C3orf52: variants seen among roughly 807,000 people sequenced by gnomAD.
C3orf52 encodes the protein chromosome 3 open reading frame 52.
In C3orf52, 22 loss-of-function variants were observed where a neutral mutation model predicts 24.8. That is an observed-to-expected ratio of 0.89 (90% CI 0.63 to 1.27). The LOEUF is 1.27. C3orf52 is among the 50% of genes most tolerant of loss of function. C3orf52 has a pLI of 0.00. For missense variants in C3orf52, 265 were observed against 260.7 expected (o/e 1.02, Z -0.11); for synonymous variants, 93 against 100.2 (o/e 0.93, Z 0.43).
At chr3:112,128,247 T>G (rs2074374920) in exon 5 of C3orf52, 2 of 701,936 alleles carry the variant, frequency 2.8e-6, no homozygotes, top group Admixed American at 2.0e-5. Flanking sequence ...AAGATGATAC[T>G]ATCAAATTCC....
chr3:112,127,159 G>C (rs2074343379), intron 4 of C3orf52: 2 of 582,688 alleles, frequency 3.4e-6, no homozygotes, highest in East Asian at 6.1e-5. Context: ...ACCTCCTTCA[G>C]CATAGATGAG....
intron 2 of C3orf52, among the ~76,000 whole-genome samples, chr3:112,101,156 G>T (rs2073969103): frequency 6.6e-6 from 1 of 152,276 alleles, no homozygotes; most frequent in African/African-American, 2.4e-5. Flanking sequence ...ATTACTCCTA[G>T]ATTCAACAAT....
At position 112,086,616 on chromosome 3, in the gene C3orf52, G is replaced by C. The variant is rs1468042775; in HGVS notation, c.138+71G>C. 8.7e-6 allele frequency: 13 copies of C among 1,494,748 alleles called. No homozygotes were observed. In the Admixed American group the frequency reaches 2.8e-4, roughly 33 times the overall value. The allele number at this position is 1,494,748 out of a possible 1,614,324, so 92.6% of individuals were successfully genotyped here. On this transcript the variant is annotated intron_variant, in intron 1 of 5. Coordinates refer to ENST00000264848, the MANE Select transcript of C3orf52 (RefSeq NM_024616.3). ...GTAGTAGGACCCGGGCCTGGCACCC[G>C]CGAGTTTCGGGTTTCCAGTCAGGCG...
chr3:112,114,652 C>A (rs1234446250), intron 5 of C3orf52, among the ~76,000 whole-genome samples: 1 of 151,862 alleles, frequency 6.6e-6, no homozygotes. Flanking sequence ...TGCGGTGAGC[C>A]GAGATCGCAT....
At chr3:112,111,748 C>G (rs2074085071) in intron 4 of C3orf52, 1 of 152,218 alleles carries the variant, frequency 6.6e-6, no homozygotes, top group Non-Finnish European at 1.5e-5. Flanking sequence ...GAGGGCAGAG[C>G]TCAGGGAACA....
At chr3:112,098,765 A>G (rs1007195999) in intron 2 of C3orf52, among the ~76,000 whole-genome samples, 1 of 152,166 alleles carries the variant, frequency 6.6e-6, no homozygotes, top group South Asian at 2.1e-4. Flanking sequence ...TTCGTAGATC[A>G]TGCCTTCTAG....
intron 2 of C3orf52, among the ~76,000 whole-genome samples, chr3:112,102,046 T>G (rs1170804667): frequency 6.6e-6 from 1 of 152,138 alleles, no homozygotes; most frequent in Non-Finnish European, 1.5e-5. Flanking sequence ...ACCCTGGGGC[T>G]CTGAATATAG....
chr3:112,114,453 C>T (rs2074115817), intron 5 of C3orf52, among the ~76,000 whole-genome samples: 1 of 151,024 alleles, frequency 6.6e-6, no homozygotes, highest in South Asian at 2.1e-4. Context: ...CTTGTAATCC[C>T]AGCACTTTGG....
rs1415227365 is a variant in C3orf52, at chr3:112,112,981, T to C, written c.485T>C (p.Val162Ala). 1 of 1,607,322 alleles carries C rather than the reference T, an allele frequency of 6.2e-7. No individual in the cohort carries two copies. The highest frequency in any genetic ancestry group is 1.1e-5 in the South Asian group (1 of 89,318). The change falls in exon 5 of 6, where the codon GTA becomes GCA. Residue 162 changes from valine (V) to alanine (A), a missense_variant. Transcript: ENST00000264848. Reference protein sequence around the residue: ...IVDFSGENATVTYDLQFGVPS... With the variant: ...IVDFSGENATATYDLQFGVPS... ...CCTTTCAGTGGTGAAAATGCCACAG[T>C]AACGTATGACCTGCAATTTGGGGTT...
Position 112,117,190 on chromosome 3 carries a change from C to CGAGA in C3orf52, c.*544_*545insGAGA. The stretch of plus-strand genomic sequence containing the variant: ...CCAATTATTCACTGAAGTCATCCTC[C>CGAGA]TCCCCCCCACCATTCGATTTGATCT... On this transcript the variant is annotated 3_prime_UTR_variant, in exon 6 of 6. Coordinates refer to ENST00000264848, the MANE Select transcript of C3orf52 (RefSeq NM_024616.3). The CGAGA allele has an allele frequency of 1.8e-6, 1 of 550,632 alleles. No individual in the cohort carries two copies. The highest frequency in any genetic ancestry group is 3.2e-6 in the Non-Finnish European group (1 of 311,386). 34.1% of individuals were successfully genotyped at this position (550,632 alleles called of 1,614,324 possible).
chr3:112,102,951 C>G lies in C3orf52; in HGVS notation c.382C>G (p.Leu128Val), dbSNP rs1001985902. ...TGTTGCTGAAGAGGAATTGCCTCAC[C>G]TGCTCACCGAAAGGGTAATTCCATC... ...ECVAEEELPH[L>V]LTERLTDVYS... Residue 128 changes from leucine to valine, a missense_variant, in exon 3 of 6, where the codon CTG becomes GTG. By Grantham distance (32) the Leu-to-Val change is conservative. Coordinates refer to ENST00000264848, the MANE Select transcript of C3orf52 (RefSeq NM_024616.3). 2 of 1,612,446 alleles carry G rather than the reference C, an allele frequency of 1.2e-6. No individual in the cohort carries two copies. The highest frequency in any genetic ancestry group is 1.7e-6 in the Non-Finnish European group (2 of 1,179,356).
chr3:112,110,298 C>T (rs566812818), intron 4 of C3orf52, among the ~76,000 whole-genome samples: 1 of 151,838 alleles, frequency 6.6e-6, no homozygotes, highest in South Asian at 2.1e-4. Flanking sequence ...CACTGCACTC[C>T]AGCCTGAGTG....
At chr3:112,103,042 C>A in intron 3 of C3orf52, 77 bp downstream of exon 3, 1 of 1,384,900 alleles carries the variant, frequency 7.2e-7, no homozygotes, top group Non-Finnish European at 1.0e-6. Context: ...TGGCATAGAG[C>A]TATAGAGTAA....
At chr3:112,088,755 TATTA>T (rs1330109302) in intron 1 of C3orf52, among the ~76,000 whole-genome samples, 2 of 152,250 alleles carry the variant, frequency 1.3e-5, no homozygotes, top group South Asian at 2.1e-4. Flanking sequence ...TTGCCTAAGT[TATTA>T]ATTATTACTA....
chr3:112,094,096 G>A (rs1195447698), intron 2 of C3orf52, among the ~76,000 whole-genome samples: 1 of 152,060 alleles, frequency 6.6e-6, no homozygotes, highest in Admixed American at 6.5e-5. Context: ...CCAAGTTCAA[G>A]GAATTCTCAT....
chr3:112,132,880 G>A (rs1475962088), downstream of C3orf52: 4 of 528,602 alleles, frequency 7.6e-6, no homozygotes, highest in Admixed American at 3.7e-5. Flanking sequence ...TCCATCAGCT[G>A]CTCACCATGA....
intron 4 of C3orf52, among the ~76,000 whole-genome samples, chr3:112,126,108 C>G (rs890618987): frequency 1.3e-5 from 2 of 152,166 alleles, no homozygotes; most frequent in Admixed American, 6.5e-5. Context: ...AGAAAAGCAT[C>G]TTCAGCATAG....
chr3:112,109,252 CTG>C (rs2074055170), intron 3 of C3orf52, among the ~76,000 whole-genome samples: 1 of 152,164 alleles, frequency 6.6e-6, no homozygotes, highest in African/African-American at 2.4e-5. Context: ...TCTGTGAGGC[CTG>C]TGTGGGCTCC....
chr3:112,122,983 A>G (rs1290873047), downstream of C3orf52: 3 of 176,414 alleles, frequency 1.7e-5, no homozygotes, highest in Admixed American at 1.6e-4. Flanking sequence ...ACATGGAGTG[A>G]GAGGAGCAAC....
Sources: gnomAD v4.1 joint callset for allele counts (sites outside exome capture counted in the v4.1 genomes callset) on GRCh38, gnomAD v4.1.1 for gene constraint, MANE v1.5 for transcripts, NCBI Gene and HGNC (gene_info 2026-07-23, HGNC 2026-07-21) for gene names.